SAMD7: variants seen among roughly 807,000 people sequenced by gnomAD.
SAMD7 encodes the protein sterile alpha motif domain containing 7.
SAMD7 carries 34 observed loss-of-function variants against 36.7 expected under a neutral mutation model. That is an observed-to-expected ratio of 0.93 (90% CI 0.71 to 1.23). The LOEUF is 1.23. SAMD7 is among the 50% of genes most tolerant of loss of function. SAMD7 has a pLI of 0.00. For synonymous variants in SAMD7, 188 were observed against 189.7 expected (o/e 0.99, Z 0.07); for missense variants, 570 against 546.6 (o/e 1.04, Z -0.43).
In SAMD7 at chr3:169,919,586, T is replaced by C. The variant is rs2108257174; in HGVS notation, c.86+2T>C. 6.2e-7 allele frequency: 1 copy of C among 1,600,976 alleles called. No homozygotes were observed. The highest frequency in any genetic ancestry group is 8.6e-7 in the Non-Finnish European group (1 of 1,168,036). ...ATTTGGGCCTCCAACTGTGGACAGG[T>C]ATTTCTCTTCAATATAATAGTTTGA... On this transcript the variant is annotated splice_donor_variant, in intron 3 of 8. Coordinates refer to ENST00000335556, the MANE Select transcript of SAMD7 (RefSeq NM_001304366.2). LOFTEE classifies it high-confidence loss of function.
At chr3:169,919,383 T>C (rs1712945966) in intron 2 of SAMD7, 75 bp from the exon 3 acceptor site, 3 of 800,336 alleles carry the variant, frequency 3.7e-6, no homozygotes, top group Non-Finnish European at 6.4e-6. Flanking sequence ...AAGGCTTTTA[T>C]TGTGTTCAAG....
At position 169,926,865 on chromosome 3, in the gene SAMD7, C is replaced by G. The variant is rs745470133; in HGVS notation, c.603C>G (p.Ser201=). ...CTCTAGACAGTGATGCTGAGAGTTC[C>G]AAAAGTCAAGCAGAAGAAAAAATCC... ...QKALDSDAES[S]KSQAEEKILG... is the part of the protein sequence containing the mutation. Residue 201 remains serine, a synonymous_variant, in exon 6 of 9, where the codon TCC becomes TCG. Transcript: ENST00000335556. 4 of 1,613,526 alleles carry G rather than the reference C, an allele frequency of 2.5e-6. No homozygotes were observed. Among genetic ancestry groups the G allele is most frequent in the Non-Finnish European group, 3.4e-6 (4 of 1,179,940 alleles).
chr3:169,921,836 G>C (rs1480862419), intron 4 of SAMD7, among the ~76,000 whole-genome samples: 2 of 152,200 alleles, frequency 1.3e-5, no homozygotes, highest in Admixed American at 1.3e-4. Flanking sequence ...GGAATAAACT[G>C]ATGGGAATTA....
intron 7 of SAMD7, among the ~76,000 whole-genome samples, chr3:169,934,470 A>G (rs1713642534): frequency 6.6e-6 from 1 of 152,206 alleles, no homozygotes; most frequent in Non-Finnish European, 1.5e-5. Flanking sequence ...CAGATGATCA[A>G]TCACAGTACC....
At chr3:169,928,915 AT>A (rs1362939520) in intron 7 of SAMD7, among the ~76,000 whole-genome samples, 2 of 152,256 alleles carry the variant, frequency 1.3e-5, no homozygotes, top group Admixed American at 1.3e-4. Flanking sequence ...TTCCCTACTT[AT>A]CCACATAGCA....
chr3:169,913,254 A>G (rs1712674032), intron 1 of SAMD7, among the ~76,000 whole-genome samples: 1 of 152,242 alleles, frequency 6.6e-6, no homozygotes, highest in Non-Finnish European at 1.5e-5. Context: ...CATACCATAA[A>G]TATTCTACAT....
rs1026067279 is a variant in SAMD7, at chr3:169,919,709, A to C, written c.86+125A>C. On this transcript the variant is annotated intron_variant, in intron 3 of 8. Coordinates refer to ENST00000335556, the MANE Select transcript of SAMD7 (RefSeq NM_001304366.2). ...TATTTCAGTGAACTGTGGTGCAGTA[A>C]TTCAAGTCAAGACACCCTGCTGGCC... 16 of 818,542 alleles carry C rather than the reference A, an allele frequency of 2.0e-5. No homozygotes were observed. The Admixed American group carries it at 3.2e-4, about 16-fold the overall frequency. 50.7% of individuals were successfully genotyped at this position (818,542 alleles called of 1,614,324 possible).
At chr3:169,932,563 C>T in intron 7 of SAMD7, 1 of 531,026 alleles carries the variant, frequency 1.9e-6, no homozygotes, top group Non-Finnish European at 3.7e-6. Flanking sequence ...AGCTGTTGAG[C>T]CCCTTCCTAA....
chr3:169,915,994 C>T (rs1483855796), intron 2 of SAMD7, among the ~76,000 whole-genome samples: 1 of 152,144 alleles, frequency 6.6e-6, no homozygotes, highest in African/African-American at 2.4e-5. Context: ...ATGAAGCCAC[C>T]ACTTAATCAA....
chr3:169,934,653 C>G (rs1182343558), intron 7 of SAMD7, among the ~76,000 whole-genome samples: 1 of 152,158 alleles, frequency 6.6e-6, no homozygotes, highest in African/African-American at 2.4e-5. Flanking sequence ...CATTGGAACT[C>G]AGTGCTGCCC....
At chr3:169,922,602 C>T (rs536724219) in intron 4 of SAMD7, among the ~76,000 whole-genome samples, 2 of 152,278 alleles carry the variant, frequency 1.3e-5, no homozygotes, top group South Asian at 2.1e-4. Flanking sequence ...CTGGTTCAAG[C>T]GATTCTCCTG....
At chr3:169,922,031 G>T (rs1005785461) in intron 4 of SAMD7, among the ~76,000 whole-genome samples, 2 of 152,192 alleles carry the variant, frequency 1.3e-5, no homozygotes, top group Non-Finnish European at 2.9e-5. Flanking sequence ...TTTGGTGCAA[G>T]TAGTTGGAAA....
chr3:169,919,552 C>G lies in SAMD7; in HGVS notation c.54C>G (p.Ile18Met), dbSNP rs151002058. 6.2e-7 allele frequency: 1 copy of G among 1,614,012 alleles called. No homozygotes were observed. The highest frequency in any genetic ancestry group is 1.3e-5 in the African/African-American group (1 of 74,922). Residue 18 changes from isoleucine to methionine, a missense_variant, in exon 3 of 9, where the codon ATC becomes ATG. Ile to Met is a conservative substitution (Grantham distance 10). Coordinates refer to ENST00000335556, the MANE Select transcript of SAMD7 (RefSeq NM_001304366.2). ...CAGGGCAGCAGACAATCCCACTGAT[C>G]CCCTCACCATTTGGGCCTCCAACTG... ...TPTGQQTIPL[I>M]PSPFGPPTVD...
chr3:169,936,230 T>A (rs372107843), intron 7 of SAMD7, 109 bp from the exon 8 acceptor site: 2 of 679,404 alleles, frequency 2.9e-6, no homozygotes, highest in Non-Finnish European at 5.1e-6. Flanking sequence ...TTTTTTGTCA[T>A]CCTCAAGCAG....
chr3:169,932,507 A>G, intron 7 of SAMD7: 1 of 569,276 alleles, frequency 1.8e-6, no homozygotes, highest in Non-Finnish European at 3.5e-6. Context: ...GATGGTGGGC[A>G]GATCCGTTCA....
At chr3:169,931,992 G>A (rs1016286953) in intron 7 of SAMD7, 2 of 671,556 alleles carry the variant, frequency 3.0e-6, no homozygotes, top group African/African-American at 1.9e-5. Context: ...AAGAAAAGAG[G>A]TCAACATGAA....
At chr3:169,933,458 C>T (rs75228686) in intron 7 of SAMD7, among the ~76,000 whole-genome samples, 6 of 152,118 alleles carry the variant, frequency 3.9e-5, no homozygotes. Context: ...TTCTGAATTC[C>T]TCAGCAATTG....
Position 169,919,838 on chromosome 3 carries a change from G to T in SAMD7, c.86+254G>T, listed in dbSNP as rs1712972519. 2.0e-5 allele frequency among the ~76,000 whole-genome samples: 3 copies of T among 152,184 alleles called. 1 individual carries two copies. The South Asian group carries it at 6.2e-4, about 31-fold the overall frequency. On this transcript the variant is annotated intron_variant, in intron 3 of 8. Transcript: ENST00000335556. ...ATACTATATGACAGGCATTGTGCAG[G>T]TGCAAACACTGGAGTAATAGTCTTC...
intron 7 of SAMD7, among the ~76,000 whole-genome samples, 169 bp downstream of exon 7, chr3:169,928,747 G>T (rs552999023): frequency 6.6e-6 from 1 of 152,104 alleles, no homozygotes; most frequent in Non-Finnish European, 1.5e-5. Flanking sequence ...TGGAACTTGG[G>T]TCATACACCC....
Sources: gnomAD v4.1 joint callset for allele counts (sites outside exome capture counted in the v4.1 genomes callset) on GRCh38, gnomAD v4.1.1 for gene constraint, MANE v1.5 for transcripts, NCBI Gene and HGNC (gene_info 2026-07-23, HGNC 2026-07-21) for gene names.